ASTN2: variants seen among roughly 807,000 people sequenced by gnomAD.
The protein encoded by ASTN2 is astrotactin 2, also known as astrotactin-2.
ASTN2 carries 54 observed loss-of-function variants against 139.8 expected under a neutral mutation model. The observed-to-expected ratio is 0.39, with a 90% CI of 0.31 to 0.48. The LOEUF (loss-of-function observed/expected upper bound fraction) is 0.48. Among genes scored for constraint, ASTN2 ranks in the 20% least tolerant of loss-of-function variants. The pLI is 0.95. For missense variants in ASTN2, 1,565 were observed against 1,725.1 expected, an observed-to-expected ratio of 0.91 and a Z score of 1.64; for synonymous variants, 756 against 719.5, an observed-to-expected ratio of 1.05 and a Z score of -0.81.
chr9:116,723,354 C>T (rs1027283604), intron 16 of ASTN2, among the ~76,000 whole-genome samples: 1 of 152,242 alleles, frequency 6.6e-6, no homozygotes, highest in African/African-American at 2.4e-5. Flanking sequence ...AATTACTATC[C>T]CTCATTTAAC....
At chr9:117,071,309 C>T (rs1424209308) in intron 5 of ASTN2, among the ~76,000 whole-genome samples, 1 of 151,754 alleles carries the variant, frequency 6.6e-6, no homozygotes, top group Non-Finnish European at 1.5e-5. Context: ...GGGTGCCTCC[C>T]AGTTAGGCTG....
Position 117,174,421 on chromosome 9 carries a change from A to G in ASTN2, c.1016-32943T>C, listed in dbSNP as rs898624231. Among the ~76,000 whole-genome samples, 3 of 152,104 alleles carry G rather than the reference A, an allele frequency of 2.0e-5. No homozygotes were observed. The East Asian group carries it at 5.8e-4, about 29-fold the overall frequency. ...ATATTTGAACCAATAGTCAGAAATT[A>G]CCATCTAACAAATAGACAAACATCA... is the stretch of plus-strand genomic sequence containing the variant. On this transcript the variant is annotated intron_variant, in intron 3 of 22. Transcript: ENST00000313400.
Position 116,449,131 on chromosome 9 carries a change from C to T in ASTN2, c.3498-6578G>A, listed in dbSNP as rs114649956. Among the ~76,000 whole-genome samples, 1,133 of 152,230 alleles carry T rather than the reference C, an allele frequency of 7.4e-3. 17 individuals are homozygous for T. Among genetic ancestry groups the T allele is most frequent in the African/African-American group, 0.026 (1,079 of 41,552 alleles). ...CTTGTCTTTAAAGTGTGTGGCCGGG[C>T]GTGGTGGCTCACAACTGTAGTCCCA... is the stretch of plus-strand genomic sequence containing the variant. On this transcript the variant is annotated intron_variant, in intron 20 of 22. Transcript: ENST00000313400.
chr9:116,670,789 T>C (rs1859151470), intron 16 of ASTN2, among the ~76,000 whole-genome samples: 1 of 152,150 alleles, frequency 6.6e-6, no homozygotes, highest in Non-Finnish European at 1.5e-5. Flanking sequence ...TGAGCTGAGG[T>C]TGTTAGCACT....
chr9:116,942,463 G>GA (rs1468062776), intron 10 of ASTN2, among the ~76,000 whole-genome samples: 6 of 152,174 alleles, frequency 3.9e-5, no homozygotes, highest in African/African-American at 1.4e-4. Context: ...CTGGGTGCTA[G>GA]ATTGAGATAG....
At chr9:117,213,119 C>T (rs1485908090) in intron 3 of ASTN2, among the ~76,000 whole-genome samples, 2 of 152,102 alleles carry the variant, frequency 1.3e-5, no homozygotes, top group Non-Finnish European at 2.9e-5. Context: ...GAATGAAATC[C>T]TTTCATTTAT....
intron 7 of ASTN2, among the ~76,000 whole-genome samples, chr9:116,987,171 T>G (rs889065629): frequency 6.6e-6 from 1 of 152,224 alleles, no homozygotes; most frequent in Non-Finnish European, 1.5e-5. Context: ...CATATTGAGT[T>G]GTAATCCCCA....
chr9:116,749,721 G>A (rs1198367054), intron 13 of ASTN2, among the ~76,000 whole-genome samples: 3 of 152,182 alleles, frequency 2.0e-5, no homozygotes, highest in Admixed American at 6.5e-5. Context: ...GGAGGTGATT[G>A]GATCATGGGG....
At chr9:117,106,025 A>G (rs1829093272) in intron 4 of ASTN2, among the ~76,000 whole-genome samples, 1 of 152,172 alleles carries the variant, frequency 6.6e-6, no homozygotes, top group African/African-American at 2.4e-5. Flanking sequence ...TCTGGAAGCT[A>G]CAGTAGAGTA....
chr9:116,547,889 C>A (rs1363042393), intron 19 of ASTN2, among the ~76,000 whole-genome samples: 1 of 152,088 alleles, frequency 6.6e-6, no homozygotes, highest in East Asian at 1.9e-4. Context: ...CAGGCATCAG[C>A]CTCTGCGTGG....
In ASTN2 at chr9:116,699,430, G is replaced by A. The variant is rs138056275; in HGVS notation, c.2806+26341C>T. Reference sequence around the variant, plus strand: ...GTAGGCCCTGATGGGCAGCTGGGTCGCCAGATTAGCCACTTCTTCTCGGAG... The same window carrying A: ...GTAGGCCCTGATGGGCAGCTGGGTCACCAGATTAGCCACTTCTTCTCGGAG... On this transcript the variant is annotated intron_variant, in intron 16 of 22. Coordinates refer to ENST00000313400, the MANE Select transcript of ASTN2 (RefSeq NM_001365068.1). This position sits in a 1 kb window ranked among gnomAD's most constrained non-coding sequence, Gnocchi z 4.2. 6.7e-5 allele frequency: 108 copies of A among 1,614,028 alleles called. No homozygotes were observed. The highest frequency in any genetic ancestry group is 1.6e-4 in the Middle Eastern group (1 of 6,084).
At chr9:116,565,025 A>G in intron 19 of ASTN2, among the ~76,000 whole-genome samples, 1 of 152,120 alleles carries the variant, frequency 6.6e-6, no homozygotes, top group Non-Finnish European at 1.5e-5. Flanking sequence ...CGCCTCATTC[A>G]ACTCAATAAT....
chr9:116,750,231 G>A (rs967652869), intron 13 of ASTN2, among the ~76,000 whole-genome samples: 6 of 152,132 alleles, frequency 3.9e-5, no homozygotes, highest in Admixed American at 3.3e-4. Flanking sequence ...TTTAACTGAC[G>A]ACACAGCATC....
chr9:117,142,895 T>C (rs922138017), intron 3 of ASTN2, among the ~76,000 whole-genome samples: 2 of 152,158 alleles, frequency 1.3e-5, no homozygotes, highest in Admixed American at 1.3e-4. Context: ...AAATTTCTTC[T>C]TCAGTTTGAG....
At chr9:117,230,185 G>GAAAAAAA (rs10636499) in intron 2 of ASTN2, among the ~76,000 whole-genome samples, 211 of 139,248 alleles carry the variant, frequency 1.5e-3, no homozygotes, top group African/African-American at 3.7e-3. Context: ...TCTTCAGGCT[G>GAAAAAAA]AAAAAAAAAA....
chr9:116,651,154 T>C (rs1284945867), intron 17 of ASTN2, among the ~76,000 whole-genome samples: 2 of 151,966 alleles, frequency 1.3e-5, no homozygotes, highest in Non-Finnish European at 2.9e-5. Context: ...TGACCTCAGG[T>C]AATCCACCCG....
At chr9:116,626,921 C>G (rs1856496650) in intron 17 of ASTN2, among the ~76,000 whole-genome samples, 1 of 152,156 alleles carries the variant, frequency 6.6e-6, no homozygotes, top group Non-Finnish European at 1.5e-5. Context: ...GGGCCATCTG[C>G]CATCCGTCAT....
intron 10 of ASTN2, among the ~76,000 whole-genome samples, chr9:116,893,171 A>G (rs1833805485): frequency 6.6e-6 from 1 of 151,848 alleles, no homozygotes; most frequent in South Asian, 2.1e-4. Context: ...ACACACACAC[A>G]CACACACACA....
rs1255371250 is a variant in ASTN2, at chr9:116,975,334, C to A, written c.1763G>T (p.Ser588Ile). Reference sequence around the variant, plus strand: ...AGGAAGCCAGAGGCCTTGGCCCAAGCTGAAAGTAGACCTGCAATGTAAGAG... The same window carrying A: ...AGGAAGCCAGAGGCCTTGGCCCAAGATGAAAGTAGACCTGCAATGTAAGAG... ...APEKILRSTF[S>I]LGQGLWLPVS... The change falls in exon 10 of 23, where the codon AGC becomes ATC. Residue 588 changes from serine to isoleucine, a missense_variant. Physicochemically the swap from Ser to Ile is moderately radical, Grantham distance 142 (BLOSUM62 -2). This residue lies in a region of ASTN2 where 503 missense variants were observed against 591.7 expected (regional missense o/e 0.85). Transcript: ENST00000313400. The A allele has an allele frequency of 6.2e-7, 1 of 1,609,004 alleles. No homozygotes were observed.
Sources: allele counts gnomAD v4.1 joint callset (sites outside exome capture counted in the v4.1 genomes callset), GRCh38; gene constraint gnomAD v4.1.1; regional missense constraint gnomAD v4.1.1; non-coding constraint Gnocchi (gnomAD v3.1); transcripts MANE v1.5; gene names NCBI Gene and HGNC (gene_info 2026-07-23, HGNC 2026-07-21).